Variants in FRY observed in about 807,000 individuals in gnomAD.
FRY encodes protein furry homolog.
In FRY, 128 loss-of-function variants were observed where a neutral mutation model predicts 348.4. The observed-to-expected ratio is 0.37, with a 90% CI of 0.32 to 0.43. The LOEUF (loss-of-function observed/expected upper bound fraction) is 0.43. FRY is among the 20% of genes least tolerant of loss of function. The pLI is 1.00. For synonymous variants in FRY, 1,370 were observed against 1,374.7 expected (o/e 1.00, Z 0.08); for missense variants, 2,736 against 3,695.2 (o/e 0.74, Z 6.73).
At chr13:32,150,665 A>G (rs1880736815) in intron 14 of FRY, among the ~76,000 whole-genome samples, 1 of 152,048 alleles carries the variant, frequency 6.6e-6, no homozygotes, top group South Asian at 2.1e-4. Flanking sequence ...GGAAGGAAGA[A>G]AGAGAGAGAG....
rs560740133 is a variant in FRY at position 32,181,424 on chromosome 13, G to A, written c.2997-1553G>A. ...AGCCTGGGCAACATGGTGAAATCCC[G>A]TCTCTATTAAAGTACAAAAATTAGC... On this transcript the variant is annotated intron_variant, in intron 23 of 60. Coordinates refer to ENST00000542859, the MANE Select transcript of FRY (RefSeq NM_023037.3). Among the ~76,000 whole-genome samples, 15 of 151,246 alleles carry A rather than the reference G, an allele frequency of 9.9e-5. No individual in the cohort carries two copies. The South Asian group carries it at 1.3e-3, about 13-fold the overall frequency.
At chr13:32,183,095 T>G in intron 24 of FRY, 61 bp downstream of exon 24, 1 of 957,772 alleles carries the variant, frequency 1.0e-6, no homozygotes. Context: ...TGAATTTAAA[T>G]CAAACCTAGT....
intron 3 of FRY, among the ~76,000 whole-genome samples, chr13:32,106,173 T>C (rs1294507954): frequency 6.7e-6 from 1 of 148,328 alleles, no homozygotes; most frequent in East Asian, 1.9e-4. Flanking sequence ...AATACACTAT[T>C]ATGTTAATAT....
intron 23 of FRY, among the ~76,000 whole-genome samples, chr13:32,180,180 T>C (rs966789021): frequency 2.0e-5 from 3 of 152,238 alleles, no homozygotes; most frequent in Admixed American, 2.0e-4. Flanking sequence ...AGGTTAAGCA[T>C]TGATAAAACC....
chr13:32,275,055 G>A (rs1332824914), intron 56 of FRY, 64 bp downstream of exon 56: 1 of 1,426,280 alleles, frequency 7.0e-7, no homozygotes, highest in Non-Finnish European at 9.9e-7. Flanking sequence ...AGAACTTCAG[G>A]GTAGCATGTT....
chr13:32,244,473 G>T (rs1886674189), intron 47 of FRY, among the ~76,000 whole-genome samples: 4 of 152,208 alleles, frequency 2.6e-5, no homozygotes, highest in Admixed American at 2.0e-4. Flanking sequence ...GAGGGCAGAG[G>T]CAGAGTCTTG....
Position 32,117,458 on chromosome 13 carries a change from G to GCAATAAAT in FRY, c.453_460dup (p.Lys154IlefsTer13), listed in dbSNP as rs1878371351. On this transcript the variant is annotated frameshift_variant, in exon 4 of 61. Transcript: ENST00000542859. LOFTEE classifies it high-confidence loss of function. ...TCACATGAATACAGACCAAGAACAA[G>GCAATAAAT]CAATAAATCAAAAAGGTACATTTCT... 6.2e-7 allele frequency: 1 copy of GCAATAAAT among 1,613,604 alleles called. No homozygotes were observed. The highest frequency in any genetic ancestry group is 1.3e-5 in the African/African-American group (1 of 74,902).
chr13:32,040,123 C>A (rs1270441956), intron 1 of FRY, among the ~76,000 whole-genome samples: 1 of 152,124 alleles, frequency 6.6e-6, no homozygotes, highest in African/African-American at 2.4e-5. Flanking sequence ...TGTATTTTGG[C>A]AGCCATGAAA....
intron 35 of FRY, among the ~76,000 whole-genome samples, chr13:32,215,107 C>A (rs1206115774): frequency 6.6e-6 from 1 of 152,064 alleles, no homozygotes; most frequent in Admixed American, 6.5e-5. Context: ...TGTCTTAATT[C>A]CTGACTAAGG....
chr13:32,083,484 T>C (rs1010205462), intron 2 of FRY, among the ~76,000 whole-genome samples: 4 of 152,212 alleles, frequency 2.6e-5, no homozygotes, highest in African/African-American at 7.2e-5. Context: ...TTTTATGTAC[T>C]TTGAAATTTT....
At chr13:32,117,202 T>A in intron 3 of FRY, 132 bp from the exon 4 acceptor site, 1 of 793,034 alleles carries the variant, frequency 1.3e-6, no homozygotes, top group East Asian at 2.7e-5. Flanking sequence ...TAATAAAGAT[T>A]ATGAAAGAAA....
At chr13:32,290,410 C>T (rs1383086806) in intron 59 of FRY, among the ~76,000 whole-genome samples, 1 of 152,014 alleles carries the variant, frequency 6.6e-6, no homozygotes, top group African/African-American at 2.4e-5. Flanking sequence ...GGAAACCACA[C>T]CTGAATGGAC....
chr13:32,292,157 A>G, intron 59 of FRY: 1 of 297,442 alleles, frequency 3.4e-6, no homozygotes, highest in Non-Finnish European at 6.8e-6. Flanking sequence ...TAATTTTTGT[A>G]TTTTTAGTGG....
At position 32,297,616 on chromosome 13, in the gene FRY, A is replaced by G. The variant is rs1287870174; in HGVS notation, c.*2156A>G. On this transcript the variant is annotated 3_prime_UTR_variant, in exon 61 of 61. Coordinates refer to ENST00000542859, the MANE Select transcript of FRY (RefSeq NM_023037.3). ...TTAAAAGGAGATGTATTAATGTGAA[A>G]GGTTTCTTCTACTTTTCCTCTATCT... is the stretch of plus-strand genomic sequence containing the variant. 1 of 152,220 alleles carries G rather than the reference A, an allele frequency of 6.6e-6. No individual in the cohort carries two copies. Among genetic ancestry groups the G allele is most frequent in the Non-Finnish European group, 1.5e-5 (1 of 68,036 alleles). The allele number at this position is 152,220 out of a possible 1,614,324, so 9.4% of individuals were successfully genotyped here.
rs371213226 is a variant in FRY at position 32,225,416 on chromosome 13, A to C, written c.5021-373A>C. 3.3e-5 allele frequency among the ~76,000 whole-genome samples: 5 copies of C among 152,348 alleles called. No homozygotes were observed. The Middle Eastern group carries it at 0.017, about 518-fold the overall frequency. On this transcript the variant is annotated intron_variant, in intron 38 of 60. Transcript: ENST00000542859. ...AAGCCCTGAGCTTTGTAGAGCAAAA[A>C]TGGGAAGGGGAACCAGCCAGGGAAA...
At chr13:32,098,700 C>G (rs1160164836) in intron 2 of FRY, among the ~76,000 whole-genome samples, 3 of 151,956 alleles carry the variant, frequency 2.0e-5, no homozygotes, top group Non-Finnish European at 4.4e-5. Context: ...CGACTCTTCT[C>G]CCCAGTAGTG....
At chr13:32,153,384 T>C (rs1219480401) in intron 14 of FRY, among the ~76,000 whole-genome samples, 2 of 152,194 alleles carry the variant, frequency 1.3e-5, no homozygotes, top group Non-Finnish European at 2.9e-5. Context: ...AAACTGCTGA[T>C]ACTTGCAATA....
chr13:32,225,456 A>T (rs9567445), intron 38 of FRY, among the ~76,000 whole-genome samples: 96,033 of 152,038 alleles, frequency 0.63, 31,269 homozygotes, highest in African/African-American at 0.8. Flanking sequence ...GAAATTCAGT[A>T]AGAAAGAGAC....
chr13:32,103,972 AT>A (rs1877363783), intron 3 of FRY, among the ~76,000 whole-genome samples: 1 of 151,542 alleles, frequency 6.6e-6, no homozygotes, highest in African/African-American at 2.4e-5. Flanking sequence ...AAAAAAAAAA[AT>A]GTACATACTT....
Sources: allele counts gnomAD v4.1 joint callset (sites outside exome capture counted in the v4.1 genomes callset), GRCh38; gene constraint gnomAD v4.1.1; transcripts MANE v1.5; gene names NCBI Gene and HGNC (gene_info 2026-07-23, HGNC 2026-07-21).